The following SMIM5 variants were observed in gnomAD, a reference collection of about 807,000 sequenced individuals.
SMIM5 encodes the protein chromosome 17 open reading frame 109.
In SMIM5, 4 loss-of-function variants were observed where a neutral mutation model predicts 4.0. The ratio of observed to expected loss-of-function variants is 1.01; its 90% confidence interval spans 0.50 to 2.30. SMIM5 has a LOEUF of 2.30. Ranked by LOEUF, SMIM5 falls within the 30% of genes most tolerant of loss-of-function variation. The pLI, the probability that SMIM5 is intolerant of heterozygous loss-of-function variation, is 0.02. For missense variants in SMIM5, 107 were observed against 99.2 expected (o/e 1.08, Z -0.34); for synonymous variants, 46 against 43.6 (o/e 1.05, Z -0.22).
intron 1 of SMIM5, chr17:75,639,227 C>G (rs572953582): frequency 6.6e-6 from 1 of 152,490 alleles, no homozygotes; most frequent in East Asian, 1.9e-4. Context: ...TAATTACAGC[C>G]AAAGGTCTGG....
intron 1 of SMIM5, chr17:75,635,887 A>G: frequency 2.0e-6 from 2 of 985,104 alleles, no homozygotes; most frequent in Non-Finnish European, 2.4e-6. Flanking sequence ...CTCTGCGAGG[A>G]GGAAACAGGG....
Position 75,633,653 on chromosome 17 carries a change from C to T in SMIM5, c.-586C>T. The T allele has an allele frequency of 2.6e-6, 3 of 1,173,390 alleles. No homozygotes were observed. The highest frequency in any genetic ancestry group is 1.6e-5 in the South Asian group (1 of 62,936). 72.7% of individuals were successfully genotyped at this position (1,173,390 alleles called of 1,614,324 possible). A position where few individuals can be genotyped will look rare whatever the true frequency, so the allele number is the denominator to read the frequency against. On this transcript the variant is annotated 5_prime_UTR_variant, in exon 1 of 3. Transcript: ENST00000375215. The stretch of plus-strand genomic sequence containing the variant: ...GTTTACTGTTGTTCCTGAGAGAGGC[C>T]AGAGGGAGGGACCAGCCAGGGAGTG...
Position 75,633,786 on chromosome 17 carries a change from C to A in SMIM5, c.-453C>A. On this transcript the variant is annotated 5_prime_UTR_variant, in exon 1 of 3. Coordinates refer to ENST00000375215, the MANE Select transcript of SMIM5 (RefSeq NM_001162995.3). Reference sequence around the variant, plus strand: ...GGCTCAGGTGGAGCCTCCCCAGGGTCCTCCTGGCCAGGAAGGCAGAGAGCC... The same window carrying A: ...GGCTCAGGTGGAGCCTCCCCAGGGTACTCCTGGCCAGGAAGGCAGAGAGCC... 1 of 1,009,980 alleles carries A rather than the reference C, an allele frequency of 9.9e-7. No homozygotes were observed. 62.6% of individuals were successfully genotyped at this position (1,009,980 alleles called of 1,614,324 possible).
chr17:75,638,736 C>G (rs756598643), intron 1 of SMIM5: 2 of 152,266 alleles, frequency 1.3e-5, no homozygotes, highest in Admixed American at 6.5e-5. Flanking sequence ...AGCCTCAAAA[C>G]ACGGGCATCT....
At chr17:75,635,162 C>A (rs2148259493) in intron 1 of SMIM5, among the ~76,000 whole-genome samples, 1 of 152,360 alleles carries the variant, frequency 6.6e-6, no homozygotes, top group East Asian at 1.9e-4. Flanking sequence ...AAACCAAGGA[C>A]TAGCCCAAGT....
rs1848468770 is a variant in SMIM5 at position 75,633,533 on chromosome 17, C to T, written c.-706C>T. ...TCACTCAGGATTCCAAGTTCTCCCC[C>T]AAGACGCCTTCAGATGCTGAGCGGC... On this transcript the variant is annotated 5_prime_UTR_variant, in exon 1 of 3. Coordinates refer to ENST00000375215, the MANE Select transcript of SMIM5 (RefSeq NM_001162995.3). 4.7e-6 allele frequency: 6 copies of T among 1,286,100 alleles called. No homozygotes were observed. The highest frequency in any genetic ancestry group is 1.5e-5 in the African/African-American group (1 of 65,886). The allele number at this position is 1,286,100 out of a possible 1,614,324, so 79.7% of individuals were successfully genotyped here.
rs780485545 is a variant in SMIM5, at chr17:75,634,028, C to G, written c.-211C>G. 2.0e-6 allele frequency: 2 copies of G among 985,606 alleles called. No individual in the cohort carries two copies. Among genetic ancestry groups the G allele is most frequent in the Non-Finnish European group, 2.4e-6 (2 of 830,042 alleles). The allele number at this position is 985,606 out of a possible 1,614,324, so 61.1% of individuals were successfully genotyped here. A position where few individuals can be genotyped will look rare whatever the true frequency, so the allele number is the denominator to read the frequency against. ...CGCGACGGTAATTTGACACTTGGAT[C>G]TCCAGGACGACCAACAACAAAAAAG... On this transcript the variant is annotated 5_prime_UTR_variant, in exon 1 of 3. It adds an upstream start codon to the 5' untranslated region. Coordinates refer to ENST00000375215, the MANE Select transcript of SMIM5 (RefSeq NM_001162995.3).
chr17:75,640,119 T>C lies in SMIM5; in HGVS notation c.-36-47T>C, dbSNP rs1309578737. 1 of 1,445,860 alleles carries C rather than the reference T, an allele frequency of 6.9e-7. No homozygotes were observed. Among genetic ancestry groups the C allele is most frequent in the Non-Finnish European group, 9.1e-7 (1 of 1,101,808 alleles). The allele number at this position is 1,445,860 out of a possible 1,614,324, so 89.6% of individuals were successfully genotyped here. The stretch of plus-strand genomic sequence containing the variant: ...GGTGGAATCTCGGTGCTGCGACGAG[T>C]GTGGGGCCAGCCGTGGAGGCTCCAG... On this transcript the variant is annotated intron_variant, in intron 1 of 2. Transcript: ENST00000375215. This position sits in a 1 kb window ranked among gnomAD's most constrained non-coding sequence, Gnocchi z 4.6.
intron 1 of SMIM5, chr17:75,637,819 C>G (rs948184990): frequency 2.0e-5 from 3 of 152,376 alleles, no homozygotes; most frequent in Admixed American, 2.0e-4. Context: ...CGGGGCTGCT[C>G]CTGGCTATCT....
chr17:75,635,203 G>A (rs946118740), intron 1 of SMIM5, among the ~76,000 whole-genome samples: 3 of 152,214 alleles, frequency 2.0e-5, no homozygotes, highest in African/African-American at 7.2e-5. Context: ...TGGGGGCTTC[G>A]GCTGGGGCTG....
At position 75,640,727 on chromosome 17, in the gene SMIM5, G is replaced by T; in HGVS notation, c.128-64G>T. 6.6e-7 allele frequency: 1 copy of T among 1,525,178 alleles called. No individual in the cohort carries two copies. The allele number at this position is 1,525,178 out of a possible 1,614,324, so 94.5% of individuals were successfully genotyped here. A position where few individuals can be genotyped will look rare whatever the true frequency, so the allele number is the denominator to read the frequency against. On this transcript the variant is annotated intron_variant, in intron 2 of 2. Transcript: ENST00000375215. The surrounding 1 kb of genome is among the most constrained non-coding windows in gnomAD (Gnocchi z 4.6). ...CCCTGGCAGGCAGTGGGTTTCTCTG[G>T]GAGGAGGGTGGGCATCCTTTCTCTC...
In SMIM5 at chr17:75,635,284, C is replaced by G. The variant is rs545895545; in HGVS notation, c.-37+1082C>G. Among the ~76,000 whole-genome samples, 5 of 152,052 alleles carry G rather than the reference C, an allele frequency of 3.3e-5. No individual in the cohort carries two copies. In the East Asian group the frequency reaches 9.6e-4, roughly 29 times the overall value. The stretch of plus-strand genomic sequence containing the variant: ...GGGAAGAGTCAGGCCAGGTCGGGGT[C>G]GGGGCACAGCGGTGAGCCTGGAGAC... On this transcript the variant is annotated intron_variant, in intron 1 of 2. Coordinates refer to ENST00000375215, the MANE Select transcript of SMIM5 (RefSeq NM_001162995.3).
rs963825658 is a variant in SMIM5, at chr17:75,636,943, C to T, written c.-37+2741C>T. On this transcript the variant is annotated intron_variant, in intron 1 of 2. Coordinates refer to ENST00000375215, the MANE Select transcript of SMIM5 (RefSeq NM_001162995.3). The surrounding 1 kb of genome is among the most constrained non-coding windows in gnomAD (Gnocchi z 5.4). Reference sequence around the variant, plus strand: ...GCTTCCAGTCAGCCCCCTAGGGAAGCCCTGGGCGCAAAGCTATGACACTGT... The same window carrying T: ...GCTTCCAGTCAGCCCCCTAGGGAAGTCCTGGGCGCAAAGCTATGACACTGT... 4 of 152,260 alleles carry T rather than the reference C, an allele frequency of 2.6e-5. No homozygotes were observed. The highest frequency in any genetic ancestry group is 1.5e-5 in the Non-Finnish European group (1 of 68,086). The allele number at this position is 152,260 out of a possible 1,614,324, so 9.4% of individuals were successfully genotyped here.
rs1470924580 is a variant in SMIM5 at position 75,634,008 on chromosome 17, C to T, written c.-231C>T. 5.1e-6 allele frequency: 5 copies of T among 985,558 alleles called. No individual in the cohort carries two copies. Among genetic ancestry groups the T allele is most frequent in the Admixed American group, 6.1e-5 (1 of 16,292 alleles). 61.1% of individuals were successfully genotyped at this position (985,558 alleles called of 1,614,324 possible). On this transcript the variant is annotated 5_prime_UTR_variant, in exon 1 of 3. In the 5' UTR this introduces an upstream ATG that the reference lacks. Coordinates refer to ENST00000375215, the MANE Select transcript of SMIM5 (RefSeq NM_001162995.3). ...GGCTTCCTCGGGCTCCCCCTCGCGA[C>T]GGTAATTTGACACTTGGATCTCCAG...
chr17:75,640,560 G>A lies in SMIM5; in HGVS notation c.128-231G>A, dbSNP rs958698867. ...AGTACCCCGGGATCCCAAACGCGGG[G>A]ATGACGGGAGCCAGGCTTGGGCAGT... On this transcript the variant is annotated intron_variant, in intron 2 of 2. Coordinates refer to ENST00000375215, the MANE Select transcript of SMIM5 (RefSeq NM_001162995.3). The surrounding 1 kb of genome is among the most constrained non-coding windows in gnomAD (Gnocchi z 4.6). 3.3e-5 allele frequency among the ~76,000 whole-genome samples: 5 copies of A among 152,156 alleles called. No individual in the cohort carries two copies. Among genetic ancestry groups the A allele is most frequent in the African/African-American group, 1.2e-4 (5 of 41,438 alleles).
chr17:75,634,378 G>A (rs774379932), intron 1 of SMIM5, among the ~76,000 whole-genome samples, 176 bp downstream of exon 1: 1 of 152,220 alleles, frequency 6.6e-6, no homozygotes, highest in African/African-American at 2.4e-5. Context: ...CACTCTCCCT[G>A]CTGCTGGGAC....
chr17:75,633,739 C>T lies in SMIM5; in HGVS notation c.-500C>T, dbSNP rs1255468457. 1.0e-5 allele frequency: 11 copies of T among 1,067,230 alleles called. 1 individual carries two copies. The East Asian group carries it at 6.7e-4, about 65-fold the overall frequency. The allele number at this position is 1,067,230 out of a possible 1,614,324, so 66.1% of individuals were successfully genotyped here. A position where few individuals can be genotyped will look rare whatever the true frequency, so the allele number is the denominator to read the frequency against. On this transcript the variant is annotated 5_prime_UTR_variant, in exon 1 of 3. Transcript: ENST00000375215. ...AGGGTGGGTGCCCCAGACCTGAGAG[C>T]GCTGCAGGACTCCCCTCCACAGGCT...
chr17:75,634,335 C>A, intron 1 of SMIM5, 133 bp downstream of exon 1: 1 of 856,714 alleles, frequency 1.2e-6, no homozygotes, highest in Non-Finnish European at 1.4e-6. Context: ...CGCTTCCCTG[C>A]AGGGAAGTCA....
rs1356109373 is a variant in SMIM5, at chr17:75,640,992, C to A, written c.*95C>A. 2 of 1,495,226 alleles carry A rather than the reference C, an allele frequency of 1.3e-6. No homozygotes were observed. Among genetic ancestry groups the A allele is most frequent in the East Asian group, 5.0e-5 (2 of 40,090 alleles). The allele number at this position is 1,495,226 out of a possible 1,614,324, so 92.6% of individuals were successfully genotyped here. On this transcript the variant is annotated 3_prime_UTR_variant, in exon 3 of 3. Coordinates refer to ENST00000375215, the MANE Select transcript of SMIM5 (RefSeq NM_001162995.3). The surrounding 1 kb of genome is among the most constrained non-coding windows in gnomAD (Gnocchi z 4.6). ...GCCCTGCAGCCCTTACCCCTCAAGA[C>A]CAGGCTCCCCTGGCCCCAGCTCTGG...
Sources: gnomAD v4.1 joint callset for allele counts (sites outside exome capture counted in the v4.1 genomes callset) on GRCh38, gnomAD v4.1.1 for gene constraint, Gnocchi (gnomAD v3.1) non-coding constraint, MANE v1.5 for transcripts, NCBI Gene and HGNC (gene_info 2026-07-23, HGNC 2026-07-21) for gene names.